LHFPL6: variants seen among roughly 807,000 people sequenced by gnomAD.
LHFPL6 encodes LHFPL tetraspan subfamily member 6 protein.
Under a neutral mutation model 20.6 loss-of-function variants are expected in LHFPL6, and 9 were observed. The ratio of observed to expected loss-of-function variants is 0.44; its 90% CI spans 0.26 to 0.76. LHFPL6 has a LOEUF of 0.76. LHFPL6 is among the 30% of genes least tolerant of loss of function. LHFPL6 has a pLI of 0.20. For missense variants in LHFPL6, 218 were observed against 253.5 expected (o/e 0.86, Z 0.95); for synonymous variants, 105 against 98.7 (o/e 1.06, Z -0.38).
intron 2 of LHFPL6, among the ~76,000 whole-genome samples, chr13:39,389,394 C>T (rs1041072797): frequency 2.0e-4 from 31 of 152,068 alleles, no homozygotes; most frequent in African/African-American, 6.3e-4. Flanking sequence ...TAATCATTAC[C>T]TAAGGCCAAA....
intron 2 of LHFPL6, among the ~76,000 whole-genome samples, chr13:39,450,818 T>A (rs144703606): frequency 1.3e-5 from 2 of 152,300 alleles, no homozygotes; most frequent in Non-Finnish European, 2.9e-5. Context: ...TCCCATACAG[T>A]ATTTTACTTA....
At chr13:39,392,745 G>A (rs1870741345) in intron 2 of LHFPL6, among the ~76,000 whole-genome samples, 1 of 151,816 alleles carries the variant, frequency 6.6e-6, no homozygotes. Context: ...CTGAATACCA[G>A]TTGTATACCC....
At chr13:39,373,675 G>C (rs962982771) in intron 3 of LHFPL6, among the ~76,000 whole-genome samples, 3 of 152,200 alleles carry the variant, frequency 2.0e-5, no homozygotes, top group African/African-American at 7.2e-5. Context: ...TGGCACACCA[G>C]AGGTATTCTT....
chr13:39,522,601 A>G (rs1885760), intron 2 of LHFPL6, among the ~76,000 whole-genome samples: 131,732 of 152,222 alleles, frequency 0.87, 57,143 homozygotes, highest in South Asian at 0.93. Flanking sequence ...CAGCTTGCAC[A>G]CTGCCATTAA....
Position 39,413,060 on chromosome 13 carries a change from C to G in LHFPL6, c.386-34534G>C, listed in dbSNP as rs547952613. Among the ~76,000 whole-genome samples, 200 of 152,222 alleles carry G rather than the reference C, an allele frequency of 1.3e-3. 3 individuals carry two copies. The South Asian group carries it at 0.024, about 18-fold the overall frequency. The stretch of plus-strand genomic sequence containing the variant: ...ATATCACAGTAGATTCAAAGATGAA[C>G]GAGCCCTAACTCTACCCCAAGGAGT... On this transcript the variant is annotated intron_variant, in intron 2 of 3. Coordinates refer to ENST00000379589, the MANE Select transcript of LHFPL6 (RefSeq NM_005780.3).
In LHFPL6 at chr13:39,541,328, CA is replaced by C. The variant is rs150214714; in HGVS notation, c.385+59503del. Reference sequence around the variant, plus strand: ...CATGTTTGCTCTTTATGAAAAAATTCAGGCAAAAAAATAAGCAAAACTCAAT... The same window carrying C: ...CATGTTTGCTCTTTATGAAAAAATTCGGCAAAAAAATAAGCAAAACTCAAT... On this transcript the variant is annotated intron_variant, in intron 2 of 3. Transcript: ENST00000379589. 8.0e-3 allele frequency among the ~76,000 whole-genome samples: 1,222 copies of C among 152,246 alleles called. 17 individuals carry two copies. The highest frequency in any genetic ancestry group is 0.028 in the African/African-American group (1,177 of 41,552).
chr13:39,535,345 C>T (rs975920170), intron 2 of LHFPL6, among the ~76,000 whole-genome samples: 10 of 152,332 alleles, frequency 6.6e-5, no homozygotes, highest in African/African-American at 2.2e-4. Context: ...TCTCTGTCTC[C>T]TCTTTTTGCT....
chr13:39,440,613 A>G (rs574292428), intron 2 of LHFPL6, among the ~76,000 whole-genome samples: 1 of 152,144 alleles, frequency 6.6e-6, no homozygotes, highest in African/African-American at 2.4e-5. Context: ...TATTGCTGTC[A>G]TTTTTGAGAC....
At chr13:39,428,096 T>A (rs1196963941) in intron 2 of LHFPL6, among the ~76,000 whole-genome samples, 1 of 152,190 alleles carries the variant, frequency 6.6e-6, no homozygotes, top group African/African-American at 2.4e-5. Context: ...ATTGGAACTA[T>A]AAGCCAATTA....
At chr13:39,470,887 G>A (rs9741636) in intron 2 of LHFPL6, among the ~76,000 whole-genome samples, 30 of 152,196 alleles carry the variant, frequency 2.0e-4, no homozygotes, top group South Asian at 8.3e-4. Flanking sequence ...CATCATCACC[G>A]TGGTTACCTC....
intron 2 of LHFPL6, among the ~76,000 whole-genome samples, chr13:39,480,523 G>A (rs184523004): frequency 5.3e-5 from 8 of 152,278 alleles, no homozygotes; most frequent in Admixed American, 4.6e-4. Context: ...GCCATTTACT[G>A]TTACCCCAAA....
chr13:39,509,804 T>C (rs2138473010), intron 2 of LHFPL6, among the ~76,000 whole-genome samples: 1 of 152,034 alleles, frequency 6.6e-6, no homozygotes, highest in Admixed American at 6.6e-5. Context: ...TACAAAAATT[T>C]AAAAAATTAG....
At chr13:39,539,988 G>A (rs760741113) in intron 2 of LHFPL6, among the ~76,000 whole-genome samples, 4 of 152,020 alleles carry the variant, frequency 2.6e-5, no homozygotes, top group African/African-American at 7.2e-5. Flanking sequence ...AGTTTCACAC[G>A]GATGATAAGT....
At chr13:39,458,250 C>T (rs940281636) in intron 2 of LHFPL6, among the ~76,000 whole-genome samples, 4 of 151,756 alleles carry the variant, frequency 2.6e-5, no homozygotes, top group Admixed American at 1.3e-4. Flanking sequence ...GGAGAAAGAA[C>T]AGCTGACCAA....
At chr13:39,528,087 T>A (rs535081445) in intron 2 of LHFPL6, among the ~76,000 whole-genome samples, 2 of 152,298 alleles carry the variant, frequency 1.3e-5, no homozygotes, top group South Asian at 4.2e-4. Flanking sequence ...CAAGAAGGGC[T>A]TTTGCTGGTT....
chr13:39,454,864 A>G (rs995528516), intron 2 of LHFPL6, among the ~76,000 whole-genome samples: 1 of 152,228 alleles, frequency 6.6e-6, no homozygotes, highest in Non-Finnish European at 1.5e-5. Flanking sequence ...TTCATCCAAT[A>G]GGTCACAATG....
intron 2 of LHFPL6, among the ~76,000 whole-genome samples, chr13:39,500,281 T>G (rs1869248242): frequency 6.6e-6 from 1 of 152,060 alleles, no homozygotes; most frequent in Non-Finnish European, 1.5e-5. Context: ...CACAGCTCAC[T>G]GCAGCCTCGA....
intron 2 of LHFPL6, among the ~76,000 whole-genome samples, chr13:39,562,425 T>TATATACATATATACATATACATATAC (rs1566142002): frequency 1.0e-5 from 1 of 99,000 alleles, no homozygotes; most frequent in African/African-American, 3.3e-5. Flanking sequence ...CACATATACA[T>TATATACATATATACATATACATATAC]ATATACATAT....
intron 2 of LHFPL6, among the ~76,000 whole-genome samples, chr13:39,380,517 T>G (rs570028664): frequency 1.2e-4 from 18 of 151,524 alleles, no homozygotes; most frequent in African/African-American, 2.2e-4. Flanking sequence ...TCAGTTTTTT[T>G]TTTTTTTTTT....
Sources: gnomAD v4.1 joint callset for allele counts (sites outside exome capture counted in the v4.1 genomes callset) on GRCh38, gnomAD v4.1.1 for gene constraint, MANE v1.5 for transcripts, NCBI Gene and HGNC (gene_info 2026-07-23, HGNC 2026-07-21) for gene names.